Variants in EYA2 observed in about 807,000 individuals in gnomAD.
EYA2 encodes the protein EYA transcriptional coactivator and phosphatase 2, also known as protein phosphatase EYA2.
In EYA2, 31 loss-of-function variants were observed where a neutral mutation model predicts 69.2. That is an observed-to-expected ratio of 0.45 (90% CI 0.34 to 0.60). EYA2 has a LOEUF of 0.60. Ranked by LOEUF, EYA2 falls within the 20% of genes least tolerant of loss-of-function variation. EYA2 has a pLI of 0.02. For synonymous variants in EYA2, 257 were observed against 279.4 expected (o/e 0.92, Z 0.80); for missense variants, 622 against 701.2 (o/e 0.89, Z 1.28).
At chr20:47,182,815 C>T (rs531766242) in intron 14 of EYA2, among the ~76,000 whole-genome samples, 17 of 151,176 alleles carry the variant, frequency 1.1e-4, no homozygotes, top group Non-Finnish European at 8.9e-5. Context: ...TGCGTGCCTA[C>T]AGTCCCAGTT....
intron 2 of EYA2, among the ~76,000 whole-genome samples, chr20:46,994,413 G>T (rs1428769193): frequency 2.0e-5 from 3 of 152,154 alleles, no homozygotes; most frequent in Non-Finnish European, 4.4e-5. Context: ...CTTTTAAAAT[G>T]CACATGCATT....
intron 15 of EYA2, among the ~76,000 whole-genome samples, chr20:47,186,615 T>G (rs924291968): frequency 2.0e-5 from 3 of 152,022 alleles, no homozygotes; most frequent in South Asian, 2.1e-4. Context: ...CGCCTTGGCC[T>G]CCCAAAGTCC....
chr20:46,941,823 A>G (rs570416953), intron 1 of EYA2, among the ~76,000 whole-genome samples: 1 of 151,990 alleles, frequency 6.6e-6, no homozygotes, highest in East Asian at 1.9e-4. Context: ...CAGTGGTGCC[A>G]TTATAGCTCA....
chr20:47,144,352 CAAAAA>C (rs11304780), intron 10 of EYA2, among the ~76,000 whole-genome samples: 1 of 116,390 alleles, frequency 8.6e-6, no homozygotes, highest in African/African-American at 3.0e-5. Context: ...AAGACACCAT[CAAAAA>C]AAAAAAAAAA....
intron 1 of EYA2, among the ~76,000 whole-genome samples, chr20:46,989,532 G>A (rs1981511577): frequency 6.6e-6 from 1 of 152,220 alleles, no homozygotes; most frequent in Non-Finnish European, 1.5e-5. Context: ...GTCCCAAAGT[G>A]CTGGGATTAC....
chr20:46,933,749 C>T (rs890780694), intron 1 of EYA2, among the ~76,000 whole-genome samples: 2 of 152,202 alleles, frequency 1.3e-5, no homozygotes, highest in African/African-American at 2.4e-5. Flanking sequence ...TAGGGCCTTC[C>T]GTCAAGATTT....
chr20:46,951,678 C>G lies in EYA2; in HGVS notation c.-10-38323C>G, dbSNP rs57045086. Among the ~76,000 whole-genome samples the G allele has an allele frequency of 6.6e-5, 10 of 152,328 alleles. No individual in the cohort carries two copies. In the East Asian group the frequency reaches 1.9e-3, roughly 29 times the overall value. Reference sequence around the variant, plus strand: ...ACTCAGATTCTTGTCCCAGCTCCCCCACTAACCTGCTGTGGGACCTTATAC... The same window carrying G: ...ACTCAGATTCTTGTCCCAGCTCCCCGACTAACCTGCTGTGGGACCTTATAC... On this transcript the variant is annotated intron_variant, in intron 1 of 15. Transcript: ENST00000327619.
chr20:47,181,207 G>A (rs532120640), intron 14 of EYA2, among the ~76,000 whole-genome samples: 1 of 152,276 alleles, frequency 6.6e-6, no homozygotes, highest in East Asian at 1.9e-4. Context: ...CAAATGCAAG[G>A]GCTTGCAAAA....
chr20:46,901,160 C>G (rs1015009763), intron 1 of EYA2: 1 of 152,192 alleles, frequency 6.6e-6, no homozygotes, highest in Non-Finnish European at 1.5e-5. Flanking sequence ...GGTCTCCTCC[C>G]CATGGCTCCC....
chr20:46,977,079 C>T (rs1398544207), intron 1 of EYA2, among the ~76,000 whole-genome samples: 1 of 152,202 alleles, frequency 6.6e-6, no homozygotes, highest in Non-Finnish European at 1.5e-5. Context: ...AGTGAAAAAA[C>T]ATCCTGGAAC....
At chr20:47,059,048 C>T (rs866966826) in intron 5 of EYA2, among the ~76,000 whole-genome samples, 48 of 152,256 alleles carry the variant, frequency 3.2e-4, no homozygotes, top group South Asian at 6.2e-4. Flanking sequence ...AGAATTAGTG[C>T]CTGTGGAGTG....
intron 5 of EYA2, among the ~76,000 whole-genome samples, chr20:47,051,184 A>C (rs1302857245): frequency 6.6e-6 from 1 of 152,250 alleles, no homozygotes; most frequent in African/African-American, 2.4e-5. Flanking sequence ...CCAAGGACTC[A>C]TCACAGCACG....
At chr20:47,041,447 C>T (rs529828655) in intron 5 of EYA2, among the ~76,000 whole-genome samples, 12 of 152,304 alleles carry the variant, frequency 7.9e-5, no homozygotes, top group East Asian at 1.9e-4. Flanking sequence ...AGTCTGTGCA[C>T]GACTAAGCAT....
At chr20:47,128,085 G>C (rs2033245316) in intron 9 of EYA2, among the ~76,000 whole-genome samples, 1 of 152,182 alleles carries the variant, frequency 6.6e-6, no homozygotes, top group African/African-American at 2.4e-5. Flanking sequence ...GTAAGTGAGG[G>C]GAAAGGCTGG....
intron 1 of EYA2, among the ~76,000 whole-genome samples, chr20:46,957,838 C>T (rs1290873252): frequency 6.6e-6 from 1 of 152,172 alleles, no homozygotes; most frequent in Non-Finnish European, 1.5e-5. Context: ...TTACAGCAGC[C>T]ACAAGAAATG....
intron 9 of EYA2, 82 bp downstream of exon 9, chr20:47,097,250 A>G: frequency 8.9e-7 from 1 of 1,128,136 alleles, no homozygotes; most frequent in Non-Finnish European, 1.3e-6. Flanking sequence ...AATTGTGCGG[A>G]CAGTTTATGA....
chr20:47,033,448 C>T (rs1364867201), intron 5 of EYA2, among the ~76,000 whole-genome samples: 1 of 152,178 alleles, frequency 6.6e-6, no homozygotes, highest in African/African-American at 2.4e-5. Flanking sequence ...TTTACAAAAA[C>T]AGGTGACCAG....
intron 5 of EYA2, among the ~76,000 whole-genome samples, chr20:47,055,317 C>T (rs139732250): frequency 1.8e-4 from 27 of 152,302 alleles, no homozygotes; most frequent in African/African-American, 6.5e-4. Flanking sequence ...TTACCATTCC[C>T]GAGGAGATCC....
At chr20:46,988,892 G>C (rs1397805728) in intron 1 of EYA2, among the ~76,000 whole-genome samples, 1 of 151,958 alleles carries the variant, frequency 6.6e-6, no homozygotes, top group African/African-American at 2.4e-5. Context: ...TTTTTGTAGA[G>C]ATGGGGTTTT....
Sources: allele counts gnomAD v4.1 joint callset (sites outside exome capture counted in the v4.1 genomes callset), GRCh38; gene constraint gnomAD v4.1.1; transcripts MANE v1.5; gene names NCBI Gene and HGNC (gene_info 2026-07-23, HGNC 2026-07-21).